LPP: variants seen among roughly 807,000 people sequenced by gnomAD.
LPP encodes the protein lipoma-preferred partner.
A neutral mutation model predicts 60.4 loss-of-function variants in LPP; 38 were observed. The ratio of observed to expected loss-of-function variants is 0.63; its 90% CI spans 0.49 to 0.83. The LOEUF (loss-of-function observed/expected upper bound fraction) is 0.83, where lower values mean the gene tolerates loss of function less well. Ranked by LOEUF, LPP falls within the 40% of genes least tolerant of loss-of-function variation. LPP has a pLI of 0.00. For synonymous variants in LPP, 328 were observed against 290.8 expected (o/e 1.13, Z -1.30); for missense variants, 902 against 783.6 (o/e 1.15, Z -1.80).
At chr3:188,439,260 G>A (rs1020980115) in intron 4 of LPP, among the ~76,000 whole-genome samples, 3 of 152,096 alleles carry the variant, frequency 2.0e-5, no homozygotes, top group Non-Finnish European at 4.4e-5. Context: ...GGTTACAGCC[G>A]TGACTCACTC....
chr3:188,872,833 T>C, intron 11 of LPP, 70 bp downstream of exon 11: 2 of 1,596,626 alleles, frequency 1.3e-6, no homozygotes, highest in Non-Finnish European at 1.7e-6. Context: ...TAGGTTTACA[T>C]AGATGTAGCA....
chr3:188,344,554 G>T (rs150774787), intron 3 of LPP, among the ~76,000 whole-genome samples: 1 of 152,014 alleles, frequency 6.6e-6, no homozygotes, highest in Non-Finnish European at 1.5e-5. Flanking sequence ...CATTACTTCC[G>T]GTTAAATGTT....
At chr3:188,814,999 G>T (rs940858463) in intron 9 of LPP, among the ~76,000 whole-genome samples, 12 of 152,198 alleles carry the variant, frequency 7.9e-5, no homozygotes, top group Admixed American at 1.3e-4. Context: ...GGTATTTGAT[G>T]ATTAAATGAG....
At chr3:188,483,203 G>A (rs1431171701) in intron 4 of LPP, among the ~76,000 whole-genome samples, 1 of 152,162 alleles carries the variant, frequency 6.6e-6, no homozygotes, top group Non-Finnish European at 1.5e-5. Context: ...TCTTGGCTTA[G>A]CTACACTTTG....
chr3:188,363,108 C>T (rs1009020660), intron 3 of LPP, among the ~76,000 whole-genome samples: 50 of 151,772 alleles, frequency 3.3e-4, no homozygotes, highest in African/African-American at 1.2e-3. Flanking sequence ...AAATTAAAAA[C>T]GTTTTGCACA....
At chr3:188,392,352 A>G (rs933882408) in intron 3 of LPP, among the ~76,000 whole-genome samples, 5 of 152,150 alleles carry the variant, frequency 3.3e-5, no homozygotes, top group Non-Finnish European at 2.9e-5. Context: ...GAGACATGCG[A>G]TATTATAACA....
At chr3:188,417,529 G>A (rs1786628800) in intron 4 of LPP, among the ~76,000 whole-genome samples, 1 of 152,046 alleles carries the variant, frequency 6.6e-6, no homozygotes, top group Non-Finnish European at 1.5e-5. Flanking sequence ...ATGCATCTGG[G>A]CTCCTGGGAA....
chr3:188,164,351 A>G (rs1719296878), intron 1 of LPP, among the ~76,000 whole-genome samples: 1 of 152,200 alleles, frequency 6.6e-6, no homozygotes, highest in Non-Finnish European at 1.5e-5. Context: ...TCTAGCTGTA[A>G]CCGTGGAAGC....
chr3:188,395,625 A>T (rs1054317049), intron 3 of LPP, among the ~76,000 whole-genome samples: 5 of 152,190 alleles, frequency 3.3e-5, no homozygotes, highest in African/African-American at 1.2e-4. Context: ...TAAAATATTA[A>T]TTCAATAATA....
At chr3:188,562,054 GACACACAC>G (rs1830820646) in intron 6 of LPP, among the ~76,000 whole-genome samples, 2 of 47,504 alleles carry the variant, frequency 4.2e-5, no homozygotes, top group Admixed American at 4.8e-4. Context: ...CGCACACACA[GACACACAC>G]AGACACACAC....
At chr3:188,817,352 C>T (rs1311879370) in intron 9 of LPP, among the ~76,000 whole-genome samples, 2 of 152,186 alleles carry the variant, frequency 1.3e-5, no homozygotes, top group Admixed American at 1.3e-4. Context: ...CAGTGACCTA[C>T]CAGATGACCT....
chr3:188,753,901 T>A, intron 8 of LPP, among the ~76,000 whole-genome samples: 1 of 152,218 alleles, frequency 6.6e-6, no homozygotes, highest in East Asian at 1.9e-4. Context: ...TAGAATCAGA[T>A]ATACACAAGC....
At chr3:188,854,586 C>A (rs1430168222) in intron 9 of LPP, among the ~76,000 whole-genome samples, 5 of 152,248 alleles carry the variant, frequency 3.3e-5, no homozygotes, top group African/African-American at 9.6e-5. Flanking sequence ...ATTGCCAAAT[C>A]TGTTCAACTG....
At position 188,875,291 on chromosome 3, in the gene LPP, G is replaced by T. The variant is rs1011121194; in HGVS notation, c.*812G>T. The stretch of plus-strand genomic sequence containing the variant: ...TATTACCTTAAGATTTTTCTTTTCC[G>T]CACTACCTGAACATTGTAATACAGA... On this transcript the variant is annotated 3_prime_UTR_variant, in exon 12 of 12. Coordinates refer to ENST00000617246, the MANE Select transcript of LPP (RefSeq NM_001375462.1). 4 of 217,532 alleles carry T rather than the reference G, an allele frequency of 1.8e-5. No homozygotes were observed. Among genetic ancestry groups the T allele is most frequent in the Non-Finnish European group, 3.7e-5 (4 of 108,452 alleles). The allele number at this position is 217,532 out of a possible 1,614,324, so 13.5% of individuals were successfully genotyped here.
chr3:188,506,182 T>C (rs1343862273), intron 5 of LPP, among the ~76,000 whole-genome samples: 1 of 152,196 alleles, frequency 6.6e-6, no homozygotes. Flanking sequence ...AGTCATGTGA[T>C]GTGGTGGCAT....
At chr3:188,653,667 C>T (rs1404011195) in intron 7 of LPP, among the ~76,000 whole-genome samples, 1 of 152,158 alleles carries the variant, frequency 6.6e-6, no homozygotes, top group African/African-American at 2.4e-5. Flanking sequence ...ATCTAACGCA[C>T]CTGCCCCAAT....
rs755340785 is a variant in LPP, at chr3:188,609,186, C to T, written c.455C>T (p.Pro152Leu). 9 of 1,612,796 alleles carry T rather than the reference C, an allele frequency of 5.6e-6. No individual in the cohort carries two copies. The East Asian group carries it at 1.6e-4, about 28-fold the overall frequency. Residue 152 changes from proline to leucine, a missense_variant, in exon 7 of 12, where the codon CCT (proline) becomes CTT (leucine). By Grantham distance (98) the Pro-to-Leu change is moderately conservative. Coordinates refer to ENST00000617246, the MANE Select transcript of LPP (RefSeq NM_001375462.1). The surrounding 1 kb of genome is among the most constrained non-coding windows in gnomAD (Gnocchi z 6.9). ...PQSSTGSTAS[P>L]PVSTPVTGHK... is the part of the protein sequence containing the mutation. ...AGCTCCACTGGTTCAACAGCCTCTC[C>T]TCCAGTTTCGACCCCAGTCACAGGA... is the stretch of plus-strand genomic sequence containing the variant.
chr3:188,656,215 A>C (rs909087644), intron 7 of LPP, among the ~76,000 whole-genome samples: 1 of 150,178 alleles, frequency 6.7e-6, no homozygotes, highest in Non-Finnish European at 1.5e-5. Flanking sequence ...AAAAAAAAAA[A>C]AACACTTTGA....
chr3:188,657,780 A>G (rs1853625359), intron 7 of LPP, among the ~76,000 whole-genome samples: 1 of 152,172 alleles, frequency 6.6e-6, no homozygotes, highest in Non-Finnish European at 1.5e-5. Flanking sequence ...TTAAAAATAT[A>G]TATAAGTTGG....
Sources: gnomAD v4.1 joint callset for allele counts (sites outside exome capture counted in the v4.1 genomes callset) on GRCh38, gnomAD v4.1.1 for gene constraint, Gnocchi (gnomAD v3.1) non-coding constraint, MANE v1.5 for transcripts, NCBI Gene and HGNC (gene_info 2026-07-23, HGNC 2026-07-21) for gene names.